Variants in EYS observed in about 807,000 individuals in gnomAD.
EYS encodes the protein protein eyes shut homolog.
EYS carries 250 observed loss-of-function variants against 282.1 expected under a neutral mutation model. The observed-to-expected ratio is 0.89, with a 90% confidence interval of 0.80 to 0.98. The LOEUF (loss-of-function observed/expected upper bound fraction) is 0.98. Ranked by LOEUF, EYS falls within the 50% of genes least tolerant of loss-of-function variation. The pLI is 0.00. For missense variants in EYS, 4,016 were observed against 3,709.0 expected (o/e 1.08, Z -2.15); for synonymous variants, 1,355 against 1,282.9 (o/e 1.06, Z -1.20).
At chr6:64,264,915 GA>G (rs1228955277) in intron 30 of EYS, among the ~76,000 whole-genome samples, 4 of 152,000 alleles carry the variant, frequency 2.6e-5, no homozygotes, top group African/African-American at 9.7e-5. Context: ...AAACAAAAAA[GA>G]AAAGAGCTGC....
chr6:64,286,175 C>T (rs1480145878), intron 30 of EYS, among the ~76,000 whole-genome samples: 5 of 152,176 alleles, frequency 3.3e-5, no homozygotes, highest in African/African-American at 1.2e-4. Context: ...CATGTCCTAC[C>T]TCTACAACTA....
intron 12 of EYS, among the ~76,000 whole-genome samples, chr6:65,225,768 G>A (rs1006400132): frequency 6.7e-5 from 10 of 148,290 alleles, no homozygotes; most frequent in African/African-American, 2.5e-4. Flanking sequence ...AACTTTAATT[G>A]AAAGAGACCA....
chr6:64,498,034 G>C (rs570278853), intron 26 of EYS, among the ~76,000 whole-genome samples: 4 of 152,090 alleles, frequency 2.6e-5, no homozygotes, highest in Non-Finnish European at 5.9e-5. Flanking sequence ...TAATGATAAA[G>C]TATATTAAAA....
At chr6:64,804,550 T>G (rs1354633201) in intron 22 of EYS, among the ~76,000 whole-genome samples, 1 of 152,112 alleles carries the variant, frequency 6.6e-6, no homozygotes, top group African/African-American at 2.4e-5. Context: ...ATTGTCTACT[T>G]TTTTTTCCTT....
At chr6:64,367,385 T>C (rs1371049283) in intron 29 of EYS, among the ~76,000 whole-genome samples, 1 of 152,036 alleles carries the variant, frequency 6.6e-6, no homozygotes, top group East Asian at 1.9e-4. Flanking sequence ...AAATTATATA[T>C]ATTTGTAATA....
chr6:63,922,932 G>A (rs1764613461), intron 35 of EYS, among the ~76,000 whole-genome samples: 1 of 152,144 alleles, frequency 6.6e-6, no homozygotes, highest in African/African-American at 2.4e-5. Context: ...TACTGACGTT[G>A]TGACTTTGAA....
intron 35 of EYS, among the ~76,000 whole-genome samples, chr6:63,965,649 A>G (rs1435352629): frequency 6.6e-6 from 1 of 152,096 alleles, no homozygotes; most frequent in African/African-American, 2.4e-5. Context: ...TGCGTAAATG[A>G]TTTTCTGTGG....
intron 4 of EYS, among the ~76,000 whole-genome samples, chr6:65,492,069 T>G (rs1453800852): frequency 6.6e-6 from 1 of 152,212 alleles, no homozygotes; most frequent in Non-Finnish European, 1.5e-5. Context: ...AGCCATCCAG[T>G]CTATGGTACT....
At chr6:65,594,813 T>G (rs1172279592) in intron 2 of EYS, among the ~76,000 whole-genome samples, 1 of 152,140 alleles carries the variant, frequency 6.6e-6, no homozygotes, top group African/African-American at 2.4e-5. Flanking sequence ...CATTTAAGTC[T>G]TTAATCCATC....
chr6:64,847,599 T>C (rs1483156289), intron 19 of EYS, among the ~76,000 whole-genome samples: 1 of 152,090 alleles, frequency 6.6e-6, no homozygotes, highest in African/African-American at 2.4e-5. Flanking sequence ...CCCTGGCAAC[T>C]GCCTGAGCTC....
In EYS at chr6:65,199,205, T is replaced by A. The variant is rs150912289; in HGVS notation, c.2023+96658A>T. Among the ~76,000 whole-genome samples, 799 of 152,240 alleles carry A rather than the reference T, an allele frequency of 5.2e-3. 8 individuals carry two copies. The highest frequency in any genetic ancestry group is 0.018 in the African/African-American group (766 of 41,574). ...CAGAATCCTCAGTTTTTATAAATTA[T>A]CCTTTTAGCATATAATATAAATATT... On this transcript the variant is annotated intron_variant, in intron 12 of 42. Transcript: ENST00000503581.
At chr6:65,338,166 A>G (rs1323180140) in intron 10 of EYS, among the ~76,000 whole-genome samples, 2 of 151,236 alleles carry the variant, frequency 1.3e-5, no homozygotes, top group East Asian at 3.9e-4. Flanking sequence ...TACTATATCT[A>G]AAAACTATTG....
chr6:64,943,740 C>T (rs1769178818), intron 15 of EYS, among the ~76,000 whole-genome samples: 1 of 152,234 alleles, frequency 6.6e-6, no homozygotes, highest in East Asian at 1.9e-4. Flanking sequence ...ACCCCGTGTT[C>T]ATGGCTTGGA....
At chr6:64,990,222 A>G (rs1466157755) in intron 14 of EYS, among the ~76,000 whole-genome samples, 12 of 151,562 alleles carry the variant, frequency 7.9e-5, no homozygotes, top group Non-Finnish European at 1.8e-4. Context: ...TTATTTCTCT[A>G]TGAACCCCTT....
intron 33 of EYS, among the ~76,000 whole-genome samples, chr6:64,044,705 T>C (rs1260383704): frequency 6.6e-6 from 1 of 152,244 alleles, no homozygotes; most frequent in Non-Finnish European, 1.5e-5. Flanking sequence ...TTTTTACTGT[T>C]GCTTATAGAA....
At chr6:64,337,495 A>G (rs1309224864) in intron 29 of EYS, among the ~76,000 whole-genome samples, 1 of 152,018 alleles carries the variant, frequency 6.6e-6, no homozygotes, top group Non-Finnish European at 1.5e-5. Context: ...TTAAAAAATT[A>G]CCAACAAAAA....
intron 35 of EYS, among the ~76,000 whole-genome samples, chr6:63,982,051 T>G (rs1767124866): frequency 6.6e-6 from 1 of 151,896 alleles, no homozygotes; most frequent in African/African-American, 2.4e-5. Context: ...GGAATTAATG[T>G]GATGTTCTTT....
At chr6:65,316,729 G>A (rs146803937) in intron 11 of EYS, among the ~76,000 whole-genome samples, 57 of 152,206 alleles carry the variant, frequency 3.7e-4, no homozygotes, top group African/African-American at 1.4e-3. Flanking sequence ...AACGTGCAGT[G>A]TTTGGCTTTC....
intron 31 of EYS, among the ~76,000 whole-genome samples, chr6:64,125,932 T>G (rs1173519494): frequency 6.7e-6 from 1 of 149,732 alleles, no homozygotes; most frequent in Admixed American, 6.6e-5. Context: ...TTTTTTTTTA[T>G]TATACTTTAA....
Sources: allele counts gnomAD v4.1 joint callset (sites outside exome capture counted in the v4.1 genomes callset), GRCh38; gene constraint gnomAD v4.1.1; transcripts MANE v1.5; gene names NCBI Gene and HGNC (gene_info 2026-07-23, HGNC 2026-07-21).